The following CEP170 variants were observed in gnomAD, a reference collection of about 807,000 sequenced individuals.
The protein encoded by CEP170 is centrosomal protein 170, also known as centrosomal protein of 170 kDa.
A neutral mutation model predicts 151.9 loss-of-function variants in CEP170; 21 were observed. That is an observed-to-expected ratio of 0.14 (90% CI 0.10 to 0.20). CEP170 has a LOEUF of 0.20. CEP170 is among the 10% of genes least tolerant of loss of function. The pLI, the probability that CEP170 is intolerant of heterozygous loss-of-function variation, is 1.00. For synonymous variants in CEP170, 356 were observed against 648.8 expected (o/e 0.55, Z 6.86); for missense variants, 964 against 1,892.9 (o/e 0.51, Z 9.11).
chr1:243,173,791 A>T (rs2059032737), intron 10 of CEP170, among the ~76,000 whole-genome samples: 1 of 151,930 alleles, frequency 6.6e-6, no homozygotes, highest in Non-Finnish European at 1.5e-5. Flanking sequence ...CAATGCAAAG[A>T]GTTAGAAAAA....
In CEP170 at chr1:243,215,851, G is replaced by A. The variant is rs552496900; in HGVS notation, c.196-3887C>T. On this transcript the variant is annotated intron_variant, in intron 3 of 19. Transcript: ENST00000366542. ...GGTTTTGCAGCTTGCGGGGCATCAC[G>A]GAACCTGCTGACGTGATGTCTCCCC... is the stretch of plus-strand genomic sequence containing the variant. 1.1e-4 allele frequency among the ~76,000 whole-genome samples: 16 copies of A among 152,014 alleles called. 1 individual carries two copies. The Middle Eastern group carries it at 0.01, about 97-fold the overall frequency.
intron 16 of CEP170, among the ~76,000 whole-genome samples, chr1:243,138,742 T>C (rs1399054122): frequency 1.5e-4 from 23 of 151,956 alleles, no homozygotes; most frequent in Non-Finnish European, 2.4e-4. Context: ...ATGTAAACAG[T>C]TTCCAAGTTT....
Position 243,221,751 on chromosome 1 carries a change from T to C in CEP170, c.168A>G (p.Leu56=). The change falls in exon 3 of 20, where the codon TTA becomes TTG. Residue 56 remains leucine (L), a synonymous_variant. Transcript: ENST00000366542. ...CATTGAGGCTGCCCAAATCCTTCAC[T>C]AAATGCTCATCCGTAGACGCATCAT... ...INYDASTDEH[L]VKDLGSLNGT... is the part of the protein sequence containing the mutation. The C allele has an allele frequency of 2.5e-6, 4 of 1,612,584 alleles. No individual in the cohort carries two copies. The highest frequency in any genetic ancestry group is 1.7e-4 in the Middle Eastern group (1 of 6,054).
At chr1:243,189,556 CAAAAAA>C (rs55684224) in intron 8 of CEP170, among the ~76,000 whole-genome samples, 1 of 65,816 alleles carries the variant, frequency 1.5e-5, no homozygotes, top group African/African-American at 5.7e-5. Flanking sequence ...ACTCTGTCTC[CAAAAAA>C]AAAAAAAAAA....
At chr1:243,184,328 G>T (rs2059807627) in intron 10 of CEP170, among the ~76,000 whole-genome samples, 2 of 151,866 alleles carry the variant, frequency 1.3e-5, no homozygotes, top group African/African-American at 2.4e-5. Flanking sequence ...GCTTACAAGG[G>T]TCCATGTTCT....
Position 243,169,768 on chromosome 1 carries a change from A to G in CEP170, c.1717-14T>C, listed in dbSNP as rs2058700238. On this transcript the variant is annotated splice_polypyrimidine_tract_variant and intron_variant, in intron 11 of 19. Coordinates refer to ENST00000366542, the MANE Select transcript of CEP170 (RefSeq NM_014812.3). ...AGATGTGCCTTCCTAAAGGAGAAAAATAAGAAAACAAAATCATGCAGCCTG... is the reference window on the plus strand; with the variant it reads ...AGATGTGCCTTCCTAAAGGAGAAAAGTAAGAAAACAAAATCATGCAGCCTG... 1.9e-6 allele frequency: 3 copies of G among 1,595,706 alleles called. No individual in the cohort carries two copies. Among genetic ancestry groups the G allele is most frequent in the Non-Finnish European group, 1.7e-6 (2 of 1,175,370 alleles).
At position 243,126,550 on chromosome 1, in the gene CEP170, C is replaced by A. The variant is rs374049015; in HGVS notation, c.4654G>T (p.Ala1552Ser). 1.8e-4 allele frequency: 289 copies of A among 1,588,326 alleles called. 2 individuals are homozygous for A. The East Asian group carries it at 4.6e-3, about 25-fold the overall frequency. ...GATTCAGCATTCTCAAATTCAGCTG[C>A]GGCTGAAACAGCAGCAGGATGAAGA... ...RALHPAAVSA[A>S]AEFENAESEA... Residue 1552 changes from alanine to serine, a missense_variant, in exon 20 of 20, where the codon GCA (alanine) becomes TCA (serine). Ala to Ser is a moderately conservative substitution (Grantham distance 99). Coordinates refer to ENST00000366542, the MANE Select transcript of CEP170 (RefSeq NM_014812.3).
At chr1:243,166,396 T>C (rs1459597205) in intron 12 of CEP170, 1 of 371,782 alleles carries the variant, frequency 2.7e-6, no homozygotes, top group Non-Finnish European at 4.8e-6. Context: ...TATACTGTAT[T>C]GCTTAGTGAA....
chr1:243,165,891 T>C lies in CEP170; in HGVS notation c.2069A>G (p.Asp690Gly). ...CAAGGGTCTGTCAGCATCTTGTTTA[T>C]CTTTCTGGTATACCTGTGTAGGTGT... is the stretch of plus-strand genomic sequence containing the variant. Reference protein sequence around the residue: ...KETPTQVYQKDKQDADRPLSK... With the variant: ...KETPTQVYQKGKQDADRPLSK... The change falls in exon 13 of 20, where the codon GAT becomes GGT. Residue 690 changes from aspartate (D) to glycine (G), a missense_variant. By Grantham distance (94) the Asp-to-Gly change is moderately conservative. Transcript: ENST00000366542. The C allele has an allele frequency of 1.2e-6, 2 of 1,613,918 alleles. No homozygotes were observed. The highest frequency in any genetic ancestry group is 2.2e-5 in the East Asian group (1 of 44,882).
chr1:243,138,133 A>C (rs1169599579), intron 16 of CEP170, among the ~76,000 whole-genome samples: 1 of 152,194 alleles, frequency 6.6e-6, no homozygotes, highest in Non-Finnish European at 1.5e-5. Context: ...GTATTAAATA[A>C]ATTCCTGATA....
intron 3 of CEP170, 136 bp from the exon 4 acceptor site, chr1:243,212,100 G>A (rs1379634865): frequency 6.9e-6 from 7 of 1,009,428 alleles, no homozygotes; most frequent in African/African-American, 1.7e-5. Flanking sequence ...ATCATAAGAT[G>A]TGCCATGCAG....
rs2060293100 is a variant in CEP170, at chr1:243,191,324, G to A, written c.802C>T (p.Pro268Ser). ...CCTGCACCTGTTATATGGGAACTTG[G>A]CGTGTCTTTTGTTGGGATTTCATGA... ...TIHEIPTKDT[P>S]SSHITGAGHA... Residue 268 changes from proline (P) to serine (S), a missense_variant, in exon 8 of 20, where the codon CCA becomes TCA. Physicochemically the swap from Pro to Ser is moderately conservative, Grantham distance 74 (BLOSUM62 -1). Coordinates refer to ENST00000366542, the MANE Select transcript of CEP170 (RefSeq NM_014812.3). 1 of 1,613,358 alleles carries A rather than the reference G, an allele frequency of 6.2e-7. No individual in the cohort carries two copies. Among genetic ancestry groups the A allele is most frequent in the Non-Finnish European group, 8.5e-7 (1 of 1,179,630 alleles).
rs2058372883 is a variant in CEP170 at position 243,165,485 on chromosome 1, G to T, written c.2475C>A (p.Asp825Glu). The change falls in exon 13 of 20, where the codon GAC becomes GAA. Residue 825 changes from aspartate (D) to glutamate (E), a missense_variant. By Grantham distance (45) the Asp-to-Glu change is conservative (BLOSUM62 2). Transcript: ENST00000366542. ...ILKSQTPKGG[D>E]KKESSKSLVR... The stretch of plus-strand genomic sequence containing the variant: ...CTAATGACTTGGAGGATTCCTTCTT[G>T]TCTCCTCCCTTTGGAGTCTGACTTT... The T allele has an allele frequency of 6.2e-7, 1 of 1,600,264 alleles. No individual in the cohort carries two copies. The highest frequency in any genetic ancestry group is 1.1e-5 in the South Asian group (1 of 90,052).
chr1:243,246,637 A>G (rs112532106), intron 1 of CEP170, among the ~76,000 whole-genome samples: 15 of 152,312 alleles, frequency 9.8e-5, no homozygotes, highest in African/African-American at 3.4e-4. Flanking sequence ...TTAGAGCCAG[A>G]AAGTTTAACT....
At chr1:243,235,537 T>C (rs183038522) in intron 1 of CEP170, among the ~76,000 whole-genome samples, 1 of 152,224 alleles carries the variant, frequency 6.6e-6, no homozygotes. Context: ...CATACACTCA[T>C]GATTATTCTG....
At chr1:243,216,628 A>C (rs1044536607) in intron 3 of CEP170, among the ~76,000 whole-genome samples, 2 of 152,212 alleles carry the variant, frequency 1.3e-5, no homozygotes, top group East Asian at 3.8e-4. Flanking sequence ...ATATGCCATA[A>C]AATAAGTTTT....
intron 4 of CEP170, among the ~76,000 whole-genome samples, chr1:243,207,562 C>A (rs2061505660): frequency 6.6e-6 from 1 of 151,900 alleles, no homozygotes; most frequent in South Asian, 2.1e-4. Flanking sequence ...AACATTCCAA[C>A]CCCCAAATAG....
At chr1:243,129,897 AC>A (rs1353243728) in intron 17 of CEP170, among the ~76,000 whole-genome samples, 1 of 151,922 alleles carries the variant, frequency 6.6e-6, no homozygotes, top group Non-Finnish European at 1.5e-5. Flanking sequence ...CATTCACATA[AC>A]TTTTTTTTAC....
intron 1 of CEP170, among the ~76,000 whole-genome samples, chr1:243,229,724 A>G (rs774921662): frequency 5.3e-5 from 8 of 152,156 alleles, no homozygotes; most frequent in Admixed American, 3.3e-4. Flanking sequence ...TTACTGAGAA[A>G]CCAATACAAA....
Sources: gnomAD v4.1 joint callset for allele counts (sites outside exome capture counted in the v4.1 genomes callset) on GRCh38, gnomAD v4.1.1 for gene constraint, MANE v1.5 for transcripts, NCBI Gene and HGNC (gene_info 2026-07-23, HGNC 2026-07-21) for gene names.